UBE2V2: variants seen among roughly 807,000 people sequenced by gnomAD.
UBE2V2 encodes ubiquitin-conjugating enzyme E2 variant 2.
Under a neutral mutation model 17.2 loss-of-function variants are expected in UBE2V2, and 9 were observed. The observed-to-expected ratio is 0.52, with a 90% CI of 0.32 to 0.91. The LOEUF (loss-of-function observed/expected upper bound fraction) is 0.91. Among genes scored for constraint, UBE2V2 ranks in the 40% least tolerant of loss-of-function variants. UBE2V2 has a pLI of 0.04. For missense variants in UBE2V2, 133 were observed against 182.6 expected, an observed-to-expected ratio of 0.73 and a Z score of 1.56; for synonymous variants, 61 against 57.5, an observed-to-expected ratio of 1.06 and a Z score of -0.28.
intron 1 of UBE2V2, among the ~76,000 whole-genome samples, chr8:48,037,867 C>T (rs556531353): frequency 6.6e-6 from 1 of 152,322 alleles, no homozygotes; most frequent in East Asian, 1.9e-4. Flanking sequence ...TACTTTTCTC[C>T]TCCTCTTACC....
At chr8:48,042,065 T>C (rs190057962) in intron 1 of UBE2V2, 1 of 152,370 alleles carries the variant, frequency 6.6e-6, no homozygotes, top group East Asian at 1.9e-4. Flanking sequence ...AGTGCTGGGA[T>C]TACAGGCCCA....
intron 3 of UBE2V2, among the ~76,000 whole-genome samples, chr8:48,053,841 G>C (rs534947431): frequency 4.9e-5 from 7 of 143,760 alleles, no homozygotes; most frequent in African/African-American, 1.8e-4. Context: ...TTTTGCTCTT[G>C]TTGTCCAGGC....
At chr8:48,018,588 G>A (rs966629882) in intron 1 of UBE2V2, among the ~76,000 whole-genome samples, 4 of 152,098 alleles carry the variant, frequency 2.6e-5, no homozygotes, top group African/African-American at 9.7e-5. Context: ...ATCTATCCTT[G>A]AGAATGTTCC....
chr8:48,016,182 C>G (rs572201080), intron 1 of UBE2V2, among the ~76,000 whole-genome samples: 83 of 152,262 alleles, frequency 5.5e-4, no homozygotes, highest in African/African-American at 2.0e-3. Flanking sequence ...CAGGCGTGAG[C>G]CACCGCGCTC....
intron 3 of UBE2V2, among the ~76,000 whole-genome samples, chr8:48,053,859 C>T (rs1167627764): frequency 6.7e-6 from 1 of 149,844 alleles, no homozygotes; most frequent in Non-Finnish European, 1.5e-5. Flanking sequence ...GGCTGGAGTG[C>T]AATGGCATGA....
chr8:48,011,278 C>T (rs1283292753), intron 1 of UBE2V2, among the ~76,000 whole-genome samples: 1 of 152,104 alleles, frequency 6.6e-6, no homozygotes, highest in African/African-American at 2.4e-5. Flanking sequence ...AGCAATTCTC[C>T]TGCCTCAGCA....
At chr8:48,042,467 G>C (rs1470130579) in intron 1 of UBE2V2, 1 of 151,626 alleles carries the variant, frequency 6.6e-6, no homozygotes, top group Non-Finnish European at 1.5e-5. Context: ...AGAAGTCCAT[G>C]GTCTGTTTAC....
intron 1 of UBE2V2, among the ~76,000 whole-genome samples, chr8:48,029,371 G>T (rs896649187): frequency 6.6e-6 from 1 of 152,076 alleles, no homozygotes; most frequent in African/African-American, 2.4e-5. Context: ...TTTCATGCAG[G>T]ATATGGTCAG....
At chr8:48,014,210 C>T (rs1290287793) in intron 1 of UBE2V2, among the ~76,000 whole-genome samples, 4 of 152,148 alleles carry the variant, frequency 2.6e-5, no homozygotes, top group Non-Finnish European at 4.4e-5. Context: ...ACTGTACAGG[C>T]AGTCCTTTGA....
upstream of UBE2V2, chr8:48,008,327 C>A (rs1389623344): frequency 2.3e-6 from 3 of 1,294,392 alleles, no homozygotes; most frequent in African/African-American, 1.6e-5. Flanking sequence ...TGCGCGCTGT[C>A]CCTCGGGTCG....
intron 1 of UBE2V2, among the ~76,000 whole-genome samples, chr8:48,016,951 A>G (rs192450746): frequency 6.6e-6 from 1 of 151,736 alleles, no homozygotes; most frequent in Non-Finnish European, 1.5e-5. Context: ...ATGCCTGGCT[A>G]ATTTTCATAT....
intron 1 of UBE2V2, among the ~76,000 whole-genome samples, chr8:48,041,542 G>A (rs760251437): frequency 9.2e-5 from 14 of 152,050 alleles, no homozygotes; most frequent in Non-Finnish European, 1.6e-4. Flanking sequence ...TTAAGAAATT[G>A]TCTAAAAATA....
At chr8:48,040,114 C>T (rs1309326518) in intron 1 of UBE2V2, among the ~76,000 whole-genome samples, 5 of 151,582 alleles carry the variant, frequency 3.3e-5, no homozygotes, top group African/African-American at 1.2e-4. Context: ...GAAGGATTCC[C>T]ATATACCTTC....
At chr8:48,028,325 A>G (rs1053443620) in intron 1 of UBE2V2, among the ~76,000 whole-genome samples, 1 of 141,498 alleles carries the variant, frequency 7.1e-6, no homozygotes, top group Admixed American at 7.2e-5. Context: ...GTGCCACCAC[A>G]CCCGGCTGTT....
chr8:48,025,723 C>A (rs370787752), intron 1 of UBE2V2, among the ~76,000 whole-genome samples: 1 of 152,026 alleles, frequency 6.6e-6, no homozygotes, highest in East Asian at 1.9e-4. Flanking sequence ...CCTCAGCCTT[C>A]CGAGTAGCTG....
rs139395897 is a variant in UBE2V2 at position 48,017,616 on chromosome 8, G to C, written c.16+9146G>C. On this transcript the variant is annotated intron_variant, in intron 1 of 3. Transcript: ENST00000523111. ...ATAAACTCCCGACCTCAGGTGGTCT[G>C]CCTGCCTCAGCCTCCCAAAGTGCTA... Among the ~76,000 whole-genome samples the C allele has an allele frequency of 5.2e-3, 796 of 151,724 alleles. 12 individuals carry two copies. The highest frequency in any genetic ancestry group is 0.019 in the African/African-American group (770 of 41,386).
At chr8:48,039,231 A>G (rs1037559276) in intron 1 of UBE2V2, among the ~76,000 whole-genome samples, 59 of 152,160 alleles carry the variant, frequency 3.9e-4, no homozygotes, top group African/African-American at 1.3e-3. Context: ...CTTTTCCACT[A>G]ACACCTTTAT....
At chr8:48,020,124 G>C (rs1464387370) in intron 1 of UBE2V2, among the ~76,000 whole-genome samples, 2 of 149,836 alleles carry the variant, frequency 1.3e-5, no homozygotes, top group East Asian at 2.0e-4. Flanking sequence ...CTGCAGCCTT[G>C]AACTATTGAG....
intron 1 of UBE2V2, among the ~76,000 whole-genome samples, chr8:48,008,787 G>T (rs2091205272): frequency 6.6e-6 from 1 of 151,972 alleles, no homozygotes; most frequent in African/African-American, 2.4e-5. Flanking sequence ...CGGGAGGGAG[G>T]CGAGGAGGCC....
Sources: allele counts gnomAD v4.1 joint callset (sites outside exome capture counted in the v4.1 genomes callset), GRCh38; gene constraint gnomAD v4.1.1; transcripts MANE v1.5; gene names NCBI Gene and HGNC (gene_info 2026-07-23, HGNC 2026-07-21).